Variants in DPP6 observed in about 807,000 individuals in gnomAD.
The protein encoded by DPP6 is A-type potassium channel modulatory protein DPP6.
Under a neutral mutation model 122.6 loss-of-function variants are expected in DPP6, and 69 were observed. That is an observed-to-expected ratio of 0.56 (90% CI 0.46 to 0.69). DPP6 has a LOEUF of 0.69. Ranked by LOEUF, DPP6 falls within the 30% of genes least tolerant of loss-of-function variation. The probability of loss-of-function intolerance (pLI) is 0.00; values close to 1 mark genes in which losing one functional copy is unlikely to be tolerated. For synonymous variants in DPP6, 418 were observed against 433.1 expected (o/e 0.97, Z 0.43); for missense variants, 928 against 1,116.9 (o/e 0.83, Z 2.41).
At chr7:154,530,025 C>G (rs1465213124) in intron 3 of DPP6, among the ~76,000 whole-genome samples, 1 of 151,576 alleles carries the variant, frequency 6.6e-6, no homozygotes, top group African/African-American at 2.4e-5. Flanking sequence ...ACATGGGAGG[C>G]TAAGGCAGGA....
rs1229340534 is a variant in DPP6, at chr7:154,804,959, C to G, written c.1542C>G (p.Leu514=). 6.9e-6 allele frequency: 11 copies of G among 1,597,556 alleles called. No homozygotes were observed. Among genetic ancestry groups the G allele is most frequent in the Non-Finnish European group, 9.4e-6 (11 of 1,171,696 alleles). ...STEDLPRRRQ[L]YSANTVGNFN... ...AGGACCTGCCTCGGAGACGACAACT[C>G]TACAGGTAACTCCTGCTCCCCCTGC... The change falls in exon 15 of 26, where the codon CTC becomes CTG. Residue 514 remains leucine, a synonymous_variant. Transcript: ENST00000377770.
At chr7:153,828,618 G>A in the DPP6 span, among the ~76,000 whole-genome samples, 5,604 of 152,192 alleles carry the variant, frequency 0.037, 342 homozygotes, top group African/African-American at 0.13. Flanking sequence ...ATATTCCTGC[G>A]CAAAATATGG....
Position 154,037,598 on chromosome 7 carries a change from GCTT to G in DPP6, c.51+149868_51+149870del, listed in dbSNP as rs544220714. 1.6e-3 allele frequency among the ~76,000 whole-genome samples: 206 copies of G among 132,380 alleles called. 4 individuals carry two copies. The highest frequency in any genetic ancestry group is 5.8e-3 in the African/African-American group (193 of 33,406). 86.8% of individuals were successfully genotyped at this position (132,380 alleles called of 152,430 possible). The stretch of plus-strand genomic sequence containing the variant: ...TTCAAAGTGTGGAAAAATTATGTGG[GCTT>G]CTTATCAGTGGTATTAATCTATTTT... On this transcript the variant is annotated intron_variant, in intron 1 of 25. Coordinates refer to the DPP6 transcript ENST00000404039.
upstream of DPP6, among the ~76,000 whole-genome samples, chr7:154,048,071 GTAGT>G (rs1286559179): frequency 2.3e-5 from 3 of 129,512 alleles, no homozygotes; most frequent in South Asian, 5.0e-4. Context: ...TGACACTAGT[GTAGT>G]TAGTTGTACG....
At chr7:154,522,329 A>G (rs1827060057) in intron 3 of DPP6, among the ~76,000 whole-genome samples, 1 of 152,176 alleles carries the variant, frequency 6.6e-6, no homozygotes. Flanking sequence ...CCTCCCAGTC[A>G]GGTTATCCCG....
intron 7 of DPP6, among the ~76,000 whole-genome samples, chr7:154,686,535 C>A (rs1371768490): frequency 2.6e-5 from 4 of 152,104 alleles, no homozygotes; most frequent in Non-Finnish European, 5.9e-5. Context: ...AAACATTGAC[C>A]TAACTGATAT....
chr7:154,558,512 T>C (rs528480829), intron 4 of DPP6, among the ~76,000 whole-genome samples: 45 of 152,232 alleles, frequency 3.0e-4, no homozygotes, highest in Non-Finnish European at 6.2e-4. Flanking sequence ...TAGTCAACAA[T>C]GGATGTAGGA....
chr7:154,623,425 G>A (rs541755183), intron 5 of DPP6, among the ~76,000 whole-genome samples: 1 of 152,284 alleles, frequency 6.6e-6, no homozygotes, highest in Non-Finnish European at 1.5e-5. Flanking sequence ...GCTGCGTCGG[G>A]AACCTCTTGA....
At chr7:154,849,074 C>T (rs191256361) in intron 16 of DPP6, among the ~76,000 whole-genome samples, 120 of 150,922 alleles carry the variant, frequency 8.0e-4, no homozygotes, top group Non-Finnish European at 6.3e-4. Flanking sequence ...CTTTGTAATA[C>T]GTTTTGAAAT....
At chr7:154,055,949 T>G (rs910353482) in intron 1 of DPP6, 3 of 152,258 alleles carry the variant, frequency 2.0e-5, no homozygotes, top group Non-Finnish European at 4.4e-5. Flanking sequence ...AATATAGTTC[T>G]TGGCTTCTGT....
intron 17 of DPP6, among the ~76,000 whole-genome samples, chr7:154,854,362 T>C (rs1477182565): frequency 6.6e-6 from 1 of 152,152 alleles, no homozygotes; most frequent in Non-Finnish European, 1.5e-5. Flanking sequence ...CAACTTTGAA[T>C]ACAGCAAGAT....
chr7:153,938,788 G>A lies in DPP6; in HGVS notation c.51+51054G>A, dbSNP rs181224081. On this transcript the variant is annotated intron_variant, in intron 1 of 25. Transcript: ENST00000404039. ...GTGGAAAAATTCACATCCATAAAAG[G>A]GTTTCTAAAGCTAGGAGCCTTGCTA... is the stretch of plus-strand genomic sequence containing the variant. 5.3e-3 allele frequency among the ~76,000 whole-genome samples: 801 copies of A among 152,240 alleles called. 4 individuals are homozygous for A. The highest frequency in any genetic ancestry group is 0.018 in the African/African-American group (753 of 41,548).
intron 8 of DPP6, among the ~76,000 whole-genome samples, chr7:154,730,604 G>T (rs145365769): frequency 2.6e-5 from 4 of 152,154 alleles, no homozygotes; most frequent in African/African-American, 9.6e-5. Flanking sequence ...GTTTAAAAAA[G>T]AAAAAAATGG....
the DPP6 span, among the ~76,000 whole-genome samples, chr7:153,834,835 A>G: frequency 6.6e-6 from 1 of 152,232 alleles, no homozygotes; most frequent in East Asian, 1.9e-4. Context: ...AAGTAGGTAC[A>G]TCTTAATGCT....
At chr7:154,190,983 T>C (rs116304320) in intron 1 of DPP6, among the ~76,000 whole-genome samples, 284 of 152,340 alleles carry the variant, frequency 1.9e-3, no homozygotes, top group African/African-American at 6.7e-3. Context: ...ATTCATGAAA[T>C]ATAAATAAAT....
At chr7:154,283,177 C>T (rs772062088) in intron 1 of DPP6, among the ~76,000 whole-genome samples, 7 of 152,114 alleles carry the variant, frequency 4.6e-5, no homozygotes, top group African/African-American at 1.4e-4. Context: ...CTGGGATCCC[C>T]GTTGTCTTGT....
the DPP6 span, among the ~76,000 whole-genome samples, chr7:153,790,176 G>A: frequency 6.6e-6 from 1 of 151,942 alleles, no homozygotes; most frequent in African/African-American, 2.4e-5. Context: ...AAGTCCGGGT[G>A]TGCTTTCAGT....
upstream of DPP6, among the ~76,000 whole-genome samples, chr7:153,882,394 G>T (rs933969149): frequency 1.3e-5 from 2 of 152,166 alleles, no homozygotes; most frequent in East Asian, 3.9e-4. Context: ...TACAGGTTGA[G>T]TTGCCTTATG....
chr7:154,450,008 CTAAATAAATAAATAAA>C (rs66665335), intron 2 of DPP6, among the ~76,000 whole-genome samples: 111 of 138,308 alleles, frequency 8.0e-4, no homozygotes, highest in East Asian at 1.5e-3. Flanking sequence ...GACTCCATCT[CTAAATAAATAAATAAA>C]TAAATAAATA....
Sources: allele counts gnomAD v4.1 joint callset (sites outside exome capture counted in the v4.1 genomes callset), GRCh38; gene constraint gnomAD v4.1.1; transcripts MANE v1.5; gene names NCBI Gene and HGNC (gene_info 2026-07-23, HGNC 2026-07-21).